Variants in SPAG16 observed in about 807,000 individuals in gnomAD.
The protein encoded by SPAG16 is sperm associated antigen 16, also known as sperm-associated antigen 16 protein.
SPAG16 carries 86 observed loss-of-function variants against 80.4 expected under a neutral mutation model. The observed-to-expected ratio is 1.07, with a 90% confidence interval of 0.90 to 1.28. The LOEUF (loss-of-function observed/expected upper bound fraction) is 1.28, where lower values mean the gene tolerates loss of function less well. Ranked by LOEUF, SPAG16 falls within the 50% of genes most tolerant of loss-of-function variation. SPAG16 has a pLI of 0.00. For synonymous variants in SPAG16, 294 were observed against 265.9 expected, an observed-to-expected ratio of 1.11 and a Z score of -1.03; for missense variants, 870 against 765.3, an observed-to-expected ratio of 1.14 and a Z score of -1.61.
chr2:213,602,503 G>C (rs2061105434), intron 10 of SPAG16, among the ~76,000 whole-genome samples: 1 of 151,928 alleles, frequency 6.6e-6, no homozygotes, highest in African/African-American at 2.4e-5. Context: ...GCGTGGTGGT[G>C]CACGCCTGTA....
intron 8 of SPAG16, among the ~76,000 whole-genome samples, chr2:213,366,198 A>C (rs1352458138): frequency 6.6e-6 from 1 of 151,824 alleles, no homozygotes; most frequent in African/African-American, 2.4e-5. Flanking sequence ...TTGCCTATTT[A>C]ACATATATAA....
intron 7 of SPAG16, among the ~76,000 whole-genome samples, chr2:213,354,459 C>T (rs1171792794): frequency 1.3e-5 from 2 of 152,146 alleles, no homozygotes. Flanking sequence ...GAGGAATCAC[C>T]ACACTGTCTT....
intron 11 of SPAG16, among the ~76,000 whole-genome samples, chr2:213,873,197 C>T (rs560540234): frequency 1.7e-3 from 263 of 151,966 alleles, no homozygotes; most frequent in South Asian, 3.1e-3. Flanking sequence ...TTGGGCTTTT[C>T]TTTGTGGAAA....
intron 10 of SPAG16, among the ~76,000 whole-genome samples, chr2:213,698,832 G>A (rs186772904): frequency 6.6e-6 from 1 of 152,224 alleles, no homozygotes; most frequent in African/African-American, 2.4e-5. Context: ...TTCTGACCTT[G>A]CTTTTTTCCT....
intron 13 of SPAG16, among the ~76,000 whole-genome samples, chr2:214,040,326 G>A (rs1015929395): frequency 6.6e-6 from 1 of 152,066 alleles, no homozygotes; most frequent in African/African-American, 2.4e-5. Flanking sequence ...AAGTTCAGGG[G>A]TGTAAGTGCA....
At chr2:213,602,571 T>C (rs1427848678) in intron 10 of SPAG16, among the ~76,000 whole-genome samples, 2 of 152,120 alleles carry the variant, frequency 1.3e-5, no homozygotes, top group East Asian at 1.9e-4. Flanking sequence ...AAGGCAGAGG[T>C]TGCAGTGAGC....
At chr2:213,369,264 T>C (rs950133508) in intron 8 of SPAG16, among the ~76,000 whole-genome samples, 2 of 152,190 alleles carry the variant, frequency 1.3e-5, no homozygotes, top group African/African-American at 2.4e-5. Context: ...GAAATTAATA[T>C]CTACCACAAT....
chr2:213,573,516 CAG>C (rs2060004799), intron 10 of SPAG16, among the ~76,000 whole-genome samples: 1 of 152,136 alleles, frequency 6.6e-6, no homozygotes, highest in South Asian at 2.1e-4. Context: ...TTTTGGTAAA[CAG>C]TAGCTACTTT....
chr2:213,459,776 C>A (rs1390993945), intron 9 of SPAG16, among the ~76,000 whole-genome samples: 4 of 152,240 alleles, frequency 2.6e-5, no homozygotes, highest in African/African-American at 9.6e-5. Context: ...TACATTGTTA[C>A]ATTATCCAAT....
chr2:213,873,135 T>C (rs193295747), intron 11 of SPAG16, among the ~76,000 whole-genome samples: 103 of 149,180 alleles, frequency 6.9e-4, no homozygotes, highest in Non-Finnish European at 9.5e-4. Context: ...GAAGTAGTAG[T>C]GTTAATTCTT....
chr2:213,630,950 G>T (rs555379420), intron 10 of SPAG16, among the ~76,000 whole-genome samples: 1 of 152,172 alleles, frequency 6.6e-6, no homozygotes, highest in African/African-American at 2.4e-5. Flanking sequence ...TGGGGTTGTT[G>T]TGGTGGTGGC....
Position 214,209,012 on chromosome 2 carries a change from A to G in SPAG16, c.1720+59746A>G, listed in dbSNP as rs368305308. 8.6e-5 allele frequency among the ~76,000 whole-genome samples: 13 copies of G among 152,040 alleles called. No individual in the cohort carries two copies. In the East Asian group the frequency reaches 9.7e-4, roughly 11 times the overall value. ...CCCAATTGCTCTGTTTTTTGTTATT[A>G]TTATTAGTCTTTTATCATTATTTTT... On this transcript the variant is annotated intron_variant, in intron 15 of 15. Coordinates refer to ENST00000331683, the MANE Select transcript of SPAG16 (RefSeq NM_024532.5).
intron 10 of SPAG16, among the ~76,000 whole-genome samples, chr2:213,668,645 TTTTG>T (rs1433358402): frequency 1.3e-5 from 2 of 151,754 alleles, no homozygotes; most frequent in East Asian, 1.9e-4. Flanking sequence ...TTTTGTTTTG[TTTTG>T]TTTGTTTTGC....
intron 10 of SPAG16, among the ~76,000 whole-genome samples, chr2:213,575,774 G>A (rs527752307): frequency 1.3e-5 from 2 of 152,184 alleles, no homozygotes; most frequent in South Asian, 4.1e-4. Flanking sequence ...AATGGATATA[G>A]CTCAATTGTA....
intron 11 of SPAG16, among the ~76,000 whole-genome samples, chr2:213,893,511 G>A (rs952372604): frequency 2.0e-5 from 3 of 152,068 alleles, no homozygotes; most frequent in African/African-American, 4.8e-5. Context: ...ATAGTTACAG[G>A]AACCTGTTAA....
intron 10 of SPAG16, among the ~76,000 whole-genome samples, chr2:213,729,969 C>T (rs1448092524): frequency 6.6e-6 from 1 of 152,212 alleles, no homozygotes; most frequent in South Asian, 2.1e-4. Flanking sequence ...AAATGAGCAA[C>T]TCTTTACGTG....
At chr2:214,033,299 A>G (rs568044541) in intron 13 of SPAG16, among the ~76,000 whole-genome samples, 3 of 152,298 alleles carry the variant, frequency 2.0e-5, no homozygotes, top group Admixed American at 6.5e-5. Context: ...TGAGATATTT[A>G]TAGTTTTGTG....
intron 15 of SPAG16, among the ~76,000 whole-genome samples, chr2:214,336,410 T>A (rs1697291052): frequency 1.3e-5 from 2 of 152,158 alleles, no homozygotes; most frequent in East Asian, 3.9e-4. Flanking sequence ...AAACAAAGAA[T>A]AATTCAATGA....
intron 10 of SPAG16, among the ~76,000 whole-genome samples, chr2:213,837,236 G>A (rs2074133375): frequency 1.3e-5 from 2 of 152,198 alleles, no homozygotes; most frequent in South Asian, 4.1e-4. Flanking sequence ...TAATGGTTCA[G>A]TGATGTGCTA....
Sources: allele counts gnomAD v4.1 joint callset (sites outside exome capture counted in the v4.1 genomes callset), GRCh38; gene constraint gnomAD v4.1.1; transcripts MANE v1.5; gene names NCBI Gene and HGNC (gene_info 2026-07-23, HGNC 2026-07-21).